Variants in RXFP1 observed in about 807,000 individuals in gnomAD.
RXFP1 encodes relaxin receptor 1.
In RXFP1, 73 loss-of-function variants were observed where a neutral mutation model predicts 89.8. That is an observed-to-expected ratio of 0.81 (90% CI 0.67 to 0.99). The LOEUF (loss-of-function observed/expected upper bound fraction) is 0.99. Among genes scored for constraint, RXFP1 ranks in the 50% least tolerant of loss-of-function variants. RXFP1 has a pLI of 0.00. For synonymous variants in RXFP1, 277 were observed against 305.5 expected, an observed-to-expected ratio of 0.91 and a Z score of 0.97; for missense variants, 793 against 895.5, an observed-to-expected ratio of 0.89 and a Z score of 1.46.
chr4:158,599,496 A>C, intron 4 of RXFP1, 65 bp downstream of exon 4: 2 of 1,240,780 alleles, frequency 1.6e-6, no homozygotes, highest in Admixed American at 4.1e-5. Context: ...TATTATAATT[A>C]AGACCATGTG....
intron 3 of RXFP1, among the ~76,000 whole-genome samples, chr4:158,596,705 C>T (rs952776184): frequency 1.2e-4 from 19 of 152,216 alleles, no homozygotes; most frequent in African/African-American, 4.6e-4. Context: ...GAGTGGAAAG[C>T]GAATGACAAA....
At chr4:158,572,889 G>A (rs1397854718) in intron 2 of RXFP1, 54 bp downstream of exon 2, 9 of 1,589,662 alleles carry the variant, frequency 5.7e-6, no homozygotes, top group Non-Finnish European at 7.7e-6. Flanking sequence ...AGGACTGAAG[G>A]TGAAGTCGCT....
At chr4:158,622,777 A>C (rs1765868562) in intron 9 of RXFP1, among the ~76,000 whole-genome samples, 1 of 152,176 alleles carries the variant, frequency 6.6e-6, no homozygotes, top group African/African-American at 2.4e-5. Context: ...AAGCATACAG[A>C]TCTAATGTAT....
chr4:158,573,901 T>A (rs1046704807), intron 2 of RXFP1, among the ~76,000 whole-genome samples: 1 of 152,174 alleles, frequency 6.6e-6, no homozygotes, highest in Non-Finnish European at 1.5e-5. Context: ...TGTTGCCCTT[T>A]CTTATCTTTT....
intron 9 of RXFP1, among the ~76,000 whole-genome samples, chr4:158,618,582 T>C (rs1210383530): frequency 6.6e-6 from 1 of 152,102 alleles, no homozygotes; most frequent in African/African-American, 2.4e-5. Context: ...TACTTTGCTT[T>C]ATAATTATTT....
chr4:158,542,091 ATATATATATATATATATATTTT>A (rs1214180766), intron 1 of RXFP1, among the ~76,000 whole-genome samples: 1 of 35,190 alleles, frequency 2.8e-5, no homozygotes, highest in African/African-American at 7.8e-5. Context: ...ATATATATAT[ATATATATATATATATATATTTT>A]TTTTTTAGTA....
At chr4:158,561,626 C>CTTTTTTTTTTTTTTTTT (rs70962615) in intron 1 of RXFP1, among the ~76,000 whole-genome samples, 1 of 112,620 alleles carries the variant, frequency 8.9e-6, no homozygotes, top group African/African-American at 3.3e-5. Flanking sequence ...TTCTTTTTTT[C>CTTTTTTTTTTTTTTTTT]TTTTTTTTTT....
At chr4:158,524,782 T>C (rs768349313) in intron 1 of RXFP1, among the ~76,000 whole-genome samples, 8 of 152,226 alleles carry the variant, frequency 5.3e-5, no homozygotes, top group Non-Finnish European at 1.0e-4. Context: ...ACTTGTATTA[T>C]AAGTTCTTAT....
chr4:158,580,858 C>T (rs1351901664), intron 2 of RXFP1, among the ~76,000 whole-genome samples: 1 of 152,140 alleles, frequency 6.6e-6, no homozygotes, highest in East Asian at 1.9e-4. Context: ...AGTGCAATGG[C>T]GCGATCTCAG....
rs1772079190 is a variant in RXFP1 at position 158,648,867 on chromosome 4, C to T, written c.1975+150C>T. 3.4e-5 allele frequency: 20 copies of T among 586,638 alleles called. 1 individual carries two copies. In the South Asian group the frequency reaches 4.8e-4, roughly 14 times the overall value. The allele number at this position is 586,638 out of a possible 1,614,324, so 36.3% of individuals were successfully genotyped here. On this transcript the variant is annotated intron_variant, in intron 17 of 17. Coordinates refer to ENST00000307765, the MANE Select transcript of RXFP1 (RefSeq NM_021634.4). ...GTGGCTCATGCCTATAATCCCAGCA[C>T]TCTGGGAGGCCAAGACGGGCAGCTC...
intron 1 of RXFP1, among the ~76,000 whole-genome samples, chr4:158,539,493 T>TA (rs550084032): frequency 9.5e-4 from 138 of 144,966 alleles, no homozygotes; most frequent in South Asian, 8.1e-3. Flanking sequence ...TAATAAAATT[T>TA]AAAAAAAAAA....
intron 2 of RXFP1, among the ~76,000 whole-genome samples, chr4:158,578,919 A>T (rs1756789940): frequency 6.6e-6 from 1 of 150,888 alleles, no homozygotes; most frequent in African/African-American, 2.4e-5. Context: ...TATCTGCCAA[A>T]AATTAACGTG....
chr4:158,569,157 G>T (rs966659351), intron 1 of RXFP1, among the ~76,000 whole-genome samples: 10 of 152,184 alleles, frequency 6.6e-5, no homozygotes, highest in Non-Finnish European at 1.5e-5. Context: ...CAACCAAGAT[G>T]TCTTTCAGTA....
chr4:158,626,576 C>T (rs1209740933), intron 9 of RXFP1, among the ~76,000 whole-genome samples: 1 of 151,994 alleles, frequency 6.6e-6, no homozygotes, highest in Non-Finnish European at 1.5e-5. Flanking sequence ...CATATACATG[C>T]CCGTATGCAC....
intron 2 of RXFP1, among the ~76,000 whole-genome samples, chr4:158,578,321 T>G (rs1273820522): frequency 6.6e-6 from 1 of 152,232 alleles, no homozygotes; most frequent in Non-Finnish European, 1.5e-5. Flanking sequence ...AAAAAATTTT[T>G]TTAAGTCATC....
chr4:158,553,715 T>G (rs1750658840), intron 1 of RXFP1, among the ~76,000 whole-genome samples: 1 of 151,968 alleles, frequency 6.6e-6, no homozygotes, highest in African/African-American at 2.4e-5. Context: ...TATGACTGAT[T>G]TAGGGGGAAA....
At chr4:158,635,406 A>T (rs1768940142) in intron 12 of RXFP1, among the ~76,000 whole-genome samples, 1 of 152,060 alleles carries the variant, frequency 6.6e-6, no homozygotes, top group Non-Finnish European at 1.5e-5. Flanking sequence ...GTTCAAATGG[A>T]TTTCTTTTTA....
At chr4:158,629,921 A>T (rs1423434617) in intron 11 of RXFP1, among the ~76,000 whole-genome samples, 1 of 152,086 alleles carries the variant, frequency 6.6e-6, no homozygotes, top group East Asian at 1.9e-4. Flanking sequence ...CACTGTGCCC[A>T]AGTAGTATCC....
intron 1 of RXFP1, among the ~76,000 whole-genome samples, chr4:158,522,459 G>T (rs1296238213): frequency 6.6e-6 from 1 of 152,084 alleles, no homozygotes; most frequent in Non-Finnish European, 1.5e-5. Context: ...GTGCTTCTGG[G>T]CAGGGAGATG....
Sources: gnomAD v4.1 joint callset for allele counts (sites outside exome capture counted in the v4.1 genomes callset) on GRCh38, gnomAD v4.1.1 for gene constraint, MANE v1.5 for transcripts, NCBI Gene and HGNC (gene_info 2026-07-23, HGNC 2026-07-21) for gene names.